Variants in ZNF695 observed in about 807,000 individuals in gnomAD.
The protein encoded by ZNF695 is zinc finger protein 695.
ZNF695 carries 11 observed loss-of-function variants against 11.2 expected under a neutral mutation model. The observed-to-expected ratio is 0.98, with a 90% CI of 0.62 to 1.62. The LOEUF (loss-of-function observed/expected upper bound fraction) is 1.62, where lower values mean the gene tolerates loss of function less well. Among genes scored for constraint, ZNF695 ranks in the 40% most tolerant of loss-of-function variants. The probability of loss-of-function intolerance (pLI) is 0.00; values close to 1 mark genes in which losing one functional copy is unlikely to be tolerated. For missense variants in ZNF695, 559 were observed against 590.5 expected (o/e 0.95, Z 0.55); for synonymous variants, 190 against 201.4 (o/e 0.94, Z 0.48).
chr1:246,974,142 T>TA (rs963537852), intron 4 of ZNF695, among the ~76,000 whole-genome samples: 22 of 83,238 alleles, frequency 2.6e-4, no homozygotes, highest in African/African-American at 1.1e-3. Context: ...TTATTTGGAA[T>TA]AAAAAACAAA....
chr1:246,978,110 A>T (rs1241066291), intron 4 of ZNF695, among the ~76,000 whole-genome samples: 1 of 152,216 alleles, frequency 6.6e-6, no homozygotes, highest in African/African-American at 2.4e-5. Flanking sequence ...TCTGTAGCAG[A>T]ACACAGGAGA....
At position 246,989,158 on chromosome 1, in the gene ZNF695, G is replaced by A. The variant is rs3122535; in HGVS notation, c.260-903C>T. On this transcript the variant is annotated intron_variant, in intron 3 of 3. Transcript: ENST00000339986. Reference sequence around the variant, plus strand: ...CGCATGCCTGTAATCCTAGCTACTCGGGAGGCTGAGGCAGGAGAATCGCTT... The same window carrying A: ...CGCATGCCTGTAATCCTAGCTACTCAGGAGGCTGAGGCAGGAGAATCGCTT... Among the ~76,000 whole-genome samples the A allele has an allele frequency of 1.6e-3, 248 of 151,208 alleles. 1 individual carries two copies. The highest frequency in any genetic ancestry group is 5.7e-3 in the African/African-American group (234 of 41,122).
chr1:246,972,888 T>C (rs1178489899), intron 4 of ZNF695, among the ~76,000 whole-genome samples: 2 of 151,166 alleles, frequency 1.3e-5, no homozygotes, highest in African/African-American at 2.4e-5. Context: ...AAATTTGTCA[T>C]GAGTCAAGTC....
chr1:246,998,717 C>T (rs1262921393), intron 3 of ZNF695, among the ~76,000 whole-genome samples: 3 of 152,134 alleles, frequency 2.0e-5, no homozygotes, highest in Non-Finnish European at 2.9e-5. Flanking sequence ...CCTGTAATCC[C>T]GGCACTTTGG....
intron 3 of ZNF695, among the ~76,000 whole-genome samples, chr1:246,993,912 G>T (rs1294170298): frequency 1.3e-5 from 2 of 152,156 alleles, no homozygotes; most frequent in Non-Finnish European, 2.9e-5. Flanking sequence ...GGTGGCTCAC[G>T]CCTGTAATCC....
chr1:246,976,964 T>A (rs2103016138), intron 4 of ZNF695, among the ~76,000 whole-genome samples: 1 of 152,278 alleles, frequency 6.6e-6, no homozygotes, highest in South Asian at 2.1e-4. Context: ...AATTTACAAT[T>A]CAACATGAGA....
intron 5 of ZNF695, among the ~76,000 whole-genome samples, chr1:246,952,394 A>G (rs1558301927): frequency 6.6e-6 from 1 of 152,184 alleles, no homozygotes; most frequent in African/African-American, 2.4e-5. Context: ...GCAGTTTGCA[A>G]GTTGTTTTCC....
chr1:246,963,621 G>A (rs1288132046), intron 5 of ZNF695, among the ~76,000 whole-genome samples: 1 of 152,124 alleles, frequency 6.6e-6, no homozygotes, highest in Non-Finnish European at 1.5e-5. Flanking sequence ...GCAGGTGCGG[G>A]GGTTATTGCG....
intron 5 of ZNF695, among the ~76,000 whole-genome samples, chr1:246,948,729 G>C (rs1667798884): frequency 6.6e-6 from 1 of 152,178 alleles, no homozygotes; most frequent in Non-Finnish European, 1.5e-5. Flanking sequence ...TTAGCACTAA[G>C]AGCAAACTTT....
chr1:246,971,235 C>T (rs960342769), intron 4 of ZNF695, among the ~76,000 whole-genome samples: 5 of 152,300 alleles, frequency 3.3e-5, no homozygotes, highest in African/African-American at 1.2e-4. Context: ...CAGCTTACAT[C>T]ATTATTTCTT....
Position 247,006,339 on chromosome 1 carries a change from G to A in ZNF695, c.3+1567C>T, listed in dbSNP as rs138451516. Among the ~76,000 whole-genome samples, 4 of 149,912 alleles carry A rather than the reference G, an allele frequency of 2.7e-5. No homozygotes were observed. In the East Asian group the frequency reaches 6.1e-4, roughly 23 times the overall value. On this transcript the variant is annotated intron_variant, in intron 1 of 3. Transcript: ENST00000339986. ...CAAATAAAGGACAAATAAGCCGGGC[G>A]CGGTGGTTCATGCCTGTAATCCCAG...
intron 3 of ZNF695, among the ~76,000 whole-genome samples, chr1:246,994,456 G>A (rs10924887): frequency 0.6 from 90,686 of 151,400 alleles, 29,161 homozygotes; most frequent in East Asian, 0.97. Context: ...CAGGAGAATC[G>A]CTTGAGCCTG....
At chr1:246,977,920 G>A (rs1008414467) in intron 4 of ZNF695, among the ~76,000 whole-genome samples, 10 of 152,152 alleles carry the variant, frequency 6.6e-5, no homozygotes, top group African/African-American at 2.4e-4. Flanking sequence ...CCACCTCCAG[G>A]CAATTGAATC....
intron 3 of ZNF695, among the ~76,000 whole-genome samples, chr1:246,990,001 G>A (rs543389981): frequency 5.1e-4 from 20 of 39,386 alleles, no homozygotes; most frequent in African/African-American, 1.3e-3. Flanking sequence ...ACCCCATCTT[G>A]AAAGGGAGAA....
At chr1:246,961,480 T>G (rs142514453) in intron 5 of ZNF695, among the ~76,000 whole-genome samples, 1 of 152,226 alleles carries the variant, frequency 6.6e-6, no homozygotes, top group Non-Finnish European at 1.5e-5. Flanking sequence ...TGCAGGGCCA[T>G]TGTTCTATAA....
At chr1:247,000,373 C>T (rs1669328975) in intron 1 of ZNF695, among the ~76,000 whole-genome samples, 1 of 152,116 alleles carries the variant, frequency 6.6e-6, no homozygotes, top group South Asian at 2.1e-4. Context: ...GGCGTGGTGG[C>T]ACATGCCTGT....
intron 5 of ZNF695, among the ~76,000 whole-genome samples, chr1:246,965,678 A>C (rs1464222638): frequency 6.6e-6 from 1 of 151,976 alleles, no homozygotes; most frequent in Non-Finnish European, 1.5e-5. Context: ...TGGAGGGTGC[A>C]ATGAGCTGAG....
chr1:246,976,304 C>T (rs565263367), intron 4 of ZNF695, among the ~76,000 whole-genome samples: 2 of 152,298 alleles, frequency 1.3e-5, no homozygotes, highest in East Asian at 3.9e-4. Context: ...GTCATTTCTA[C>T]ATTTGCAAAA....
chr1:246,987,889 T>G lies in ZNF695; in HGVS notation c.626A>C (p.Glu209Ala). ...MTQQQRIHIGENPYQCKKCGK... is the reference protein window; with the variant it reads ...MTQQQRIHIGANPYQCKKCGK... ...ACATTTTTTACATTGGTACGGGTTC[T>G]CTCCAATATGGATTCTCTGCTGTTG... The change falls in exon 4 of 4, where the codon GAG becomes GCG. Residue 209 changes from glutamate (E) to alanine (A), a missense_variant. By Grantham distance (107) the Glu-to-Ala change is moderately radical. Transcript: ENST00000339986. The G allele has an allele frequency of 6.2e-7, 1 of 1,608,734 alleles. No individual in the cohort carries two copies. Among genetic ancestry groups the G allele is most frequent in the Non-Finnish European group, 8.5e-7 (1 of 1,178,486 alleles).
Sources: allele counts gnomAD v4.1 joint callset (sites outside exome capture counted in the v4.1 genomes callset), GRCh38; gene constraint gnomAD v4.1.1; transcripts MANE v1.5; gene names NCBI Gene and HGNC (gene_info 2026-07-23, HGNC 2026-07-21).